TPST2: variants seen among roughly 807,000 people sequenced by gnomAD.
TPST2 encodes protein-tyrosine sulfotransferase 2.
In TPST2, 16 loss-of-function variants were observed where a neutral mutation model predicts 27.8. The observed-to-expected ratio is 0.58, with a 90% CI of 0.39 to 0.88. TPST2 has a LOEUF of 0.88. Among genes scored for constraint, TPST2 ranks in the 40% least tolerant of loss-of-function variants. The pLI, the probability that TPST2 is intolerant of heterozygous loss-of-function variation, is 0.00. For synonymous variants in TPST2, 229 were observed against 231.7 expected (o/e 0.99, Z 0.10); for missense variants, 464 against 543.1 (o/e 0.85, Z 1.45).
intron 1 of TPST2, among the ~76,000 whole-genome samples, chr22:26,568,916 T>G (rs1387587297): frequency 7.2e-5 from 10 of 139,524 alleles, no homozygotes; most frequent in African/African-American, 2.2e-4. Context: ...CAGGCTGGAG[T>G]GCAGTGGCCC....
chr22:26,569,998 A>C (rs867668299), intron 1 of TPST2, among the ~76,000 whole-genome samples: 2 of 47,344 alleles, frequency 4.2e-5, no homozygotes, highest in Non-Finnish European at 7.6e-5. Flanking sequence ...AGAAAAAGAA[A>C]GAAAGAAAGA....
chr22:26,579,078 C>T (rs1432154539), intron 1 of TPST2, among the ~76,000 whole-genome samples: 1 of 152,146 alleles, frequency 6.6e-6, no homozygotes, highest in Admixed American at 6.5e-5. Flanking sequence ...TCTTGAACCC[C>T]TGAGCTCACG....
chr22:26,574,631 T>C (rs1473716514), intron 1 of TPST2, among the ~76,000 whole-genome samples: 6 of 152,158 alleles, frequency 3.9e-5, no homozygotes, highest in Non-Finnish European at 5.9e-5. Flanking sequence ...CATTATCTGC[T>C]TTTCTCCTGG....
At chr22:26,558,642 G>C (rs1211810562) in intron 1 of TPST2, among the ~76,000 whole-genome samples, 1 of 152,136 alleles carries the variant, frequency 6.6e-6, no homozygotes, top group Non-Finnish European at 1.5e-5. Flanking sequence ...GTCAGATGGG[G>C]AGACAGAGAG....
At chr22:26,543,783 C>T (rs1291804780) in intron 2 of TPST2, among the ~76,000 whole-genome samples, 1 of 152,242 alleles carries the variant, frequency 6.6e-6, no homozygotes, top group Admixed American at 6.5e-5. Context: ...CAGCTCAAAG[C>T]AGGCAAGTCA....
At chr22:26,554,796 G>C (rs553454693) in intron 1 of TPST2, among the ~76,000 whole-genome samples, 52 of 152,320 alleles carry the variant, frequency 3.4e-4, no homozygotes, top group African/African-American at 1.3e-3. Flanking sequence ...AAATTAGCCA[G>C]GCGTGGTGGT....
At chr22:26,578,855 T>A (rs1309592264) in intron 1 of TPST2, among the ~76,000 whole-genome samples, 1 of 146,186 alleles carries the variant, frequency 6.8e-6, no homozygotes, top group Non-Finnish European at 1.5e-5. Flanking sequence ...CTTTCTTTCT[T>A]TTTTTTTTTT....
chr22:26,547,891 T>C (rs940927204), intron 1 of TPST2, among the ~76,000 whole-genome samples: 1 of 152,232 alleles, frequency 6.6e-6, no homozygotes, highest in African/African-American at 2.4e-5. Context: ...AAAACATAAC[T>C]TGATGGTGTC....
chr22:26,526,498 T>C (rs1276505618), intron 6 of TPST2, among the ~76,000 whole-genome samples: 1 of 152,224 alleles, frequency 6.6e-6, no homozygotes, highest in African/African-American at 2.4e-5. Flanking sequence ...ACTTTTCTTA[T>C]GGACACAGAG....
intron 1 of TPST2, among the ~76,000 whole-genome samples, chr22:26,576,799 T>C (rs1162690936): frequency 2.6e-5 from 4 of 151,664 alleles, no homozygotes; most frequent in African/African-American, 7.3e-5. Context: ...AGCAAGACCC[T>C]GTCTCTAAAA....
intron 1 of TPST2, among the ~76,000 whole-genome samples, chr22:26,564,708 T>C (rs1323326938): frequency 2.0e-5 from 3 of 152,146 alleles, no homozygotes; most frequent in African/African-American, 7.2e-5. Flanking sequence ...CAACTTACTA[T>C]AGCCTCACAG....
chr22:26,531,348 G>A (rs1925151419), intron 5 of TPST2, among the ~76,000 whole-genome samples: 1 of 152,206 alleles, frequency 6.6e-6, no homozygotes, highest in South Asian at 2.1e-4. Context: ...AATGGTGCCG[G>A]TGAAACTCAA....
At chr22:26,532,443 G>T (rs535178227) in intron 5 of TPST2, among the ~76,000 whole-genome samples, 3 of 152,146 alleles carry the variant, frequency 2.0e-5, no homozygotes, top group African/African-American at 7.2e-5. Context: ...ACTACGCCCG[G>T]ATAATTTTTG....
intron 1 of TPST2, among the ~76,000 whole-genome samples, chr22:26,562,383 G>A (rs1602288207): frequency 6.6e-6 from 1 of 152,176 alleles, no homozygotes; most frequent in Non-Finnish European, 1.5e-5. Context: ...AACGTTCCAG[G>A]TGTGTAACTT....
At chr22:26,545,308 C>T (rs1926059697) in intron 1 of TPST2, among the ~76,000 whole-genome samples, 1 of 152,164 alleles carries the variant, frequency 6.6e-6, no homozygotes, top group Non-Finnish European at 1.5e-5. Flanking sequence ...GAGCAACTTA[C>T]CCAAGGAATG....
intron 1 of TPST2, among the ~76,000 whole-genome samples, chr22:26,576,887 G>A (rs1927859105): frequency 6.6e-6 from 1 of 151,800 alleles, no homozygotes; most frequent in African/African-American, 2.4e-5. Context: ...ACAAGGTCAG[G>A]AGATTGAGAC....
chr22:26,575,721 C>T (rs895171705), intron 1 of TPST2, among the ~76,000 whole-genome samples: 9 of 152,190 alleles, frequency 5.9e-5, no homozygotes, highest in Non-Finnish European at 8.8e-5. Flanking sequence ...GCAGGCCGGG[C>T]GCAGTGGCTC....
intron 6 of TPST2, among the ~76,000 whole-genome samples, chr22:26,526,668 A>G (rs976698162): frequency 6.6e-6 from 1 of 152,218 alleles, no homozygotes; most frequent in Admixed American, 6.5e-5. Context: ...TGCTTTTGTC[A>G]ATGAGAAGGT....
chr22:26,544,567 C>G, intron 2 of TPST2, 37 bp downstream of exon 2: 1 of 982,856 alleles, frequency 1.0e-6, no homozygotes, highest in Non-Finnish European at 1.2e-6. Context: ...CAGGAGGGGC[C>G]AGGACTCCAG....
Sources: gnomAD v4.1 joint callset for allele counts (sites outside exome capture counted in the v4.1 genomes callset) on GRCh38, gnomAD v4.1.1 for gene constraint, MANE v1.5 for transcripts, NCBI Gene and HGNC (gene_info 2026-07-23, HGNC 2026-07-21) for gene names.